The following ACOT7 variants were observed in gnomAD, a reference collection of about 807,000 sequenced individuals.
ACOT7 encodes acyl-CoA thioesterase 7, also known as cytosolic acyl coenzyme A thioester hydrolase.
A neutral mutation model predicts 40.2 loss-of-function variants in ACOT7; 12 were observed. The observed-to-expected ratio is 0.30, with a 90% confidence interval of 0.19 to 0.48. The LOEUF (loss-of-function observed/expected upper bound fraction) is 0.48. Ranked by LOEUF, ACOT7 falls within the 20% of genes least tolerant of loss-of-function variation. The probability of loss-of-function intolerance (pLI) is 0.99; values close to 1 mark genes in which losing one functional copy is unlikely to be tolerated. For missense variants in ACOT7, 395 were observed against 530.8 expected (o/e 0.74, Z 2.51); for synonymous variants, 228 against 219.5 (o/e 1.04, Z -0.34).
intron 5 of ACOT7, among the ~76,000 whole-genome samples, chr1:6,319,317 C>G (rs1640580033): frequency 1.3e-5 from 2 of 152,190 alleles, no homozygotes; most frequent in Non-Finnish European, 1.5e-5. Context: ...CTCAGCCTCC[C>G]AAGTAGCTGG....
At chr1:6,279,706 C>T (rs980568177) in intron 8 of ACOT7, among the ~76,000 whole-genome samples, 4 of 152,204 alleles carry the variant, frequency 2.6e-5, no homozygotes, top group African/African-American at 9.7e-5. Context: ...CCAACTCCAG[C>T]GAAGAGCTGG....
At chr1:6,327,543 T>C (rs1327538316) in intron 4 of ACOT7, 130 bp from the exon 5 acceptor site, 2 of 696,392 alleles carry the variant, frequency 2.9e-6, no homozygotes, top group African/African-American at 3.7e-5. Flanking sequence ...ATGTGTGTTT[T>C]AATATAAGTA....
chr1:6,267,882 C>T (rs1638898603), intron 8 of ACOT7, among the ~76,000 whole-genome samples: 1 of 152,230 alleles, frequency 6.6e-6, no homozygotes, highest in Non-Finnish European at 1.5e-5. Flanking sequence ...ACATCGACTC[C>T]TCTTTTGTAA....
intron 7 of ACOT7, among the ~76,000 whole-genome samples, chr1:6,285,939 T>C (rs1639490930): frequency 6.6e-6 from 1 of 152,130 alleles, no homozygotes; most frequent in African/African-American, 2.4e-5. Context: ...CTAGGCAAAG[T>C]TGGGACATTG....
intron 1 of ACOT7, among the ~76,000 whole-genome samples, chr1:6,377,994 T>C (rs897573422): frequency 8.6e-5 from 13 of 152,032 alleles, no homozygotes; most frequent in Admixed American, 2.6e-4. Context: ...GGCGTGAACC[T>C]GGGAGGTGGA....
intron 2 of ACOT7, among the ~76,000 whole-genome samples, chr1:6,348,361 C>T (rs1239853055): frequency 2.6e-5 from 4 of 152,144 alleles, no homozygotes; most frequent in Non-Finnish European, 4.4e-5. Context: ...CGCACACACA[C>T]ACAGCTTCCA....
At chr1:6,334,980 G>A (rs1460881950) in intron 3 of ACOT7, among the ~76,000 whole-genome samples, 1 of 152,102 alleles carries the variant, frequency 6.6e-6, no homozygotes, top group East Asian at 1.9e-4. Flanking sequence ...GAGCTCAGGA[G>A]TTCCAGACCA....
intron 1 of ACOT7, among the ~76,000 whole-genome samples, chr1:6,362,729 A>C (rs1196839785): frequency 3.9e-5 from 6 of 151,962 alleles, no homozygotes; most frequent in African/African-American, 1.5e-4. Flanking sequence ...CTCCAGAAAG[A>C]TCTCTCAGAG....
At chr1:6,344,309 CCT>C in intron 2 of ACOT7, among the ~76,000 whole-genome samples, 1 of 152,160 alleles carries the variant, frequency 6.6e-6, no homozygotes, top group Non-Finnish European at 1.5e-5. Context: ...GCAGAGCGCA[CCT>C]CTCTGTGCTG....
intron 1 of ACOT7, among the ~76,000 whole-genome samples, chr1:6,365,289 C>T (rs75126985): frequency 0.076 from 11,603 of 152,114 alleles, 661 homozygotes; most frequent in African/African-American, 0.16. Flanking sequence ...GCTTCACAGG[C>T]TCACACAGGC....
At chr1:6,323,861 G>A (rs1278324366) in intron 5 of ACOT7, among the ~76,000 whole-genome samples, 8 of 150,596 alleles carry the variant, frequency 5.3e-5, no homozygotes, top group Non-Finnish European at 7.4e-5. Flanking sequence ...CCCTGTGGAG[G>A]TTGCTAGGCA....
chr1:6,356,669 A>C (rs1285392452), intron 1 of ACOT7, among the ~76,000 whole-genome samples: 1 of 152,204 alleles, frequency 6.6e-6, no homozygotes, highest in East Asian at 1.9e-4. Flanking sequence ...CTGTAATCCC[A>C]GCACTTTGGG....
At chr1:6,357,191 C>T (rs1256678642) in intron 1 of ACOT7, among the ~76,000 whole-genome samples, 2 of 151,972 alleles carry the variant, frequency 1.3e-5, no homozygotes, top group East Asian at 3.8e-4. Context: ...GAGCCAAGAT[C>T]GCGCCATTGC....
intron 2 of ACOT7, among the ~76,000 whole-genome samples, chr1:6,339,864 C>T (rs543823141): frequency 1.2e-4 from 18 of 151,212 alleles, no homozygotes; most frequent in African/African-American, 2.9e-4. Context: ...CTCAGCCTCC[C>T]GAGTAGCTAG....
chr1:6,378,753 G>A (rs1642281818), intron 1 of ACOT7, among the ~76,000 whole-genome samples: 1 of 151,958 alleles, frequency 6.6e-6, no homozygotes, highest in South Asian at 2.1e-4. Context: ...TTTAGGGGGA[G>A]GAGGAGGGAA....
Position 6,358,993 on chromosome 1 carries a change from G to C in ACOT7, c.144-9127C>G. ...CCCCCCACCCCCAGCTTCCTGAGCTGCCCAATCTGGCCAGGAAGAGGCTGC... is the reference window on the plus strand; with the variant it reads ...CCCCCCACCCCCAGCTTCCTGAGCTCCCCAATCTGGCCAGGAAGAGGCTGC... On this transcript the variant is annotated intron_variant, in intron 1 of 8. Coordinates refer to ENST00000361521, the MANE Select transcript of ACOT7 (RefSeq NM_007274.4). The surrounding 1 kb of genome is among the most constrained non-coding windows in gnomAD (Gnocchi z 4.1). 7.3e-7 allele frequency: 1 copy of C among 1,368,640 alleles called. No homozygotes were observed. The highest frequency in any genetic ancestry group is 1.6e-5 in the South Asian group (1 of 63,502). 84.8% of individuals were successfully genotyped at this position (1,368,640 alleles called of 1,614,324 possible).
At chr1:6,380,049 C>T (rs1642306421) in intron 1 of ACOT7, among the ~76,000 whole-genome samples, 1 of 150,148 alleles carries the variant, frequency 6.7e-6, no homozygotes, top group Admixed American at 6.6e-5. Flanking sequence ...CTGGGCATCA[C>T]AGCAAAGAAA....
In ACOT7 at chr1:6,274,187, G is replaced by A. The variant is rs1043311787; in HGVS notation, c.1014+6915C>T. On this transcript the variant is annotated intron_variant, in intron 8 of 8. Coordinates refer to ENST00000361521, the MANE Select transcript of ACOT7 (RefSeq NM_007274.4). The surrounding 1 kb of genome is among the most constrained non-coding windows in gnomAD (Gnocchi z 5.9). ...CCATGCTTCCTCCTAAGTGCAAAGG[G>A]GCGAGGGACCTTCCAATTACAGCAT... Among the ~76,000 whole-genome samples the A allele has an allele frequency of 1.3e-5, 2 of 152,178 alleles. No individual in the cohort carries two copies. The highest frequency in any genetic ancestry group is 4.8e-5 in the African/African-American group (2 of 41,458).
At chr1:6,337,123 C>T (rs562825232) in intron 3 of ACOT7, among the ~76,000 whole-genome samples, 18 of 152,378 alleles carry the variant, frequency 1.2e-4, no homozygotes, top group African/African-American at 3.6e-4. Context: ...CGCACGACAG[C>T]GCAATGCCAG....
Sources: allele counts gnomAD v4.1 joint callset (sites outside exome capture counted in the v4.1 genomes callset), GRCh38; gene constraint gnomAD v4.1.1; non-coding constraint Gnocchi (gnomAD v3.1); transcripts MANE v1.5; gene names NCBI Gene and HGNC (gene_info 2026-07-23, HGNC 2026-07-21).